CA10: variants seen among roughly 807,000 people sequenced by gnomAD.
CA10 encodes carbonic anhydrase 10 (inactive).
In CA10, 14 loss-of-function variants were observed where a neutral mutation model predicts 44.2. The observed-to-expected ratio is 0.32, with a 90% CI of 0.21 to 0.50. The LOEUF (loss-of-function observed/expected upper bound fraction) is 0.50. Among genes scored for constraint, CA10 ranks in the 20% least tolerant of loss-of-function variants. CA10 has a pLI of 0.99. For synonymous variants in CA10, 159 were observed against 141.6 expected, an observed-to-expected ratio of 1.12 and a Z score of -0.87; for missense variants, 350 against 409.7, an observed-to-expected ratio of 0.85 and a Z score of 1.26.
rs1022530939 is a variant in CA10, at chr17:51,968,910, C to T, written c.137-37778G>A. ...AGGTGAACACAATCTCATTTTTAAC[C>T]GCATTAAATATTAGTTTTCTTTTGT... On this transcript the variant is annotated intron_variant, in intron 2 of 8. Coordinates refer to ENST00000451037, the MANE Select transcript of CA10 (RefSeq NM_020178.5). Among the ~76,000 whole-genome samples the T allele has an allele frequency of 7.9e-5, 12 of 151,886 alleles. No individual in the cohort carries two copies. The South Asian group carries it at 1.5e-3, about 18-fold the overall frequency.
At position 52,107,415 on chromosome 17, in the gene CA10, G is replaced by T. The variant is rs182675173; in HGVS notation, c.62-35022C>A. On this transcript the variant is annotated intron_variant, in intron 1 of 8. Coordinates refer to ENST00000451037, the MANE Select transcript of CA10 (RefSeq NM_020178.5). The stretch of plus-strand genomic sequence containing the variant: ...AATTCCTCTTAAAACCCCTTTAAAA[G>T]GTTATTTTTTCTTTTTTCCTATGAC... 2.5e-3 allele frequency among the ~76,000 whole-genome samples: 387 copies of T among 152,156 alleles called. 3 individuals are homozygous for T. Among genetic ancestry groups the T allele is most frequent in the African/African-American group, 8.9e-3 (371 of 41,516 alleles).
At chr17:51,675,721 A>AC (rs935361149) in intron 4 of CA10, among the ~76,000 whole-genome samples, 3 of 152,080 alleles carry the variant, frequency 2.0e-5, no homozygotes, top group African/African-American at 7.2e-5. Context: ...GTCTCAAAAA[A>AC]AAAAACAAAA....
intron 3 of CA10, among the ~76,000 whole-genome samples, chr17:51,752,084 A>T (rs1323387357): frequency 6.6e-6 from 1 of 151,536 alleles, no homozygotes; most frequent in East Asian, 1.9e-4. Flanking sequence ...GAGATGCAAC[A>T]CCCCCTTTTC....
chr17:51,782,722 C>T (rs1906111979), intron 3 of CA10, among the ~76,000 whole-genome samples: 1 of 152,180 alleles, frequency 6.6e-6, no homozygotes. Context: ...TGCCTGTCCT[C>T]CACTCTGGAA....
At chr17:51,992,805 A>G (rs1985089402) in intron 2 of CA10, among the ~76,000 whole-genome samples, 1 of 152,148 alleles carries the variant, frequency 6.6e-6, no homozygotes, top group African/African-American at 2.4e-5. Context: ...TGGATAGATG[A>G]GCACTCAGTC....
intron 1 of CA10, among the ~76,000 whole-genome samples, chr17:52,079,272 C>T (rs1210650567): frequency 6.6e-6 from 1 of 151,832 alleles, no homozygotes; most frequent in African/African-American, 2.4e-5. Context: ...GGCGACAGAG[C>T]GAAACTCCGT....
intron 2 of CA10, among the ~76,000 whole-genome samples, chr17:51,940,793 C>T (rs1460236672): frequency 6.6e-6 from 1 of 152,014 alleles, no homozygotes; most frequent in Admixed American, 6.6e-5. Flanking sequence ...CCTCCCTAAC[C>T]TGGTGCCCTG....
chr17:51,815,388 G>A (rs951307077), intron 3 of CA10, among the ~76,000 whole-genome samples: 1 of 152,168 alleles, frequency 6.6e-6, no homozygotes, highest in African/African-American at 2.4e-5. Context: ...TTGCCTGAGA[G>A]TCAGTGTTCA....
At chr17:51,687,940 C>T (rs117518042) in intron 4 of CA10, among the ~76,000 whole-genome samples, 320 of 152,288 alleles carry the variant, frequency 2.1e-3, no homozygotes, top group Non-Finnish European at 3.6e-3. Flanking sequence ...TCTCATGTTG[C>T]GTAGAGTTGA....
chr17:52,122,496 G>T (rs1323640610), intron 1 of CA10, among the ~76,000 whole-genome samples: 1 of 152,060 alleles, frequency 6.6e-6, no homozygotes, highest in African/African-American at 2.4e-5. Flanking sequence ...TACATATCTT[G>T]ATTTAGGAGT....
chr17:51,694,207 A>G (rs1048660327), intron 4 of CA10, among the ~76,000 whole-genome samples: 39 of 140,486 alleles, frequency 2.8e-4, no homozygotes, highest in African/African-American at 6.2e-4. Flanking sequence ...TCCGTCTCGG[A>G]AAAAAAAAAA....
chr17:51,635,596 CA>C (rs889927556), intron 7 of CA10, among the ~76,000 whole-genome samples: 2 of 152,104 alleles, frequency 1.3e-5, no homozygotes, highest in African/African-American at 4.8e-5. Context: ...GTCAGCAAAC[CA>C]CTAGAAGCTA....
intron 2 of CA10, among the ~76,000 whole-genome samples, chr17:51,974,124 G>A (rs1464836206): frequency 1.3e-5 from 2 of 152,058 alleles, no homozygotes; most frequent in Non-Finnish European, 2.9e-5. Flanking sequence ...GGTGGCTCAC[G>A]CCTGTAATCC....
intron 1 of CA10, among the ~76,000 whole-genome samples, chr17:52,089,254 C>T (rs1181232604): frequency 6.6e-6 from 1 of 152,106 alleles, no homozygotes; most frequent in African/African-American, 2.4e-5. Flanking sequence ...TGTACACTTA[C>T]TATGGTGTTC....
chr17:52,031,314 G>A (rs532421420), intron 2 of CA10, among the ~76,000 whole-genome samples: 6 of 151,850 alleles, frequency 4.0e-5, no homozygotes, highest in East Asian at 2.0e-4. Flanking sequence ...CATGCCTGGC[G>A]AATTTTTGTA....
intron 1 of CA10, among the ~76,000 whole-genome samples, chr17:52,100,304 A>G (rs1598214446): frequency 1.3e-5 from 2 of 152,324 alleles, no homozygotes; most frequent in South Asian, 2.1e-4. Context: ...CTTCATAGAA[A>G]CAGTACTGAA....
chr17:51,846,366 C>T (rs994230135), intron 3 of CA10, among the ~76,000 whole-genome samples: 2 of 152,226 alleles, frequency 1.3e-5, no homozygotes, highest in African/African-American at 4.8e-5. Context: ...AATAGACAAG[C>T]TCTGATGACT....
chr17:51,717,830 T>TAC (rs1916206488), intron 4 of CA10, among the ~76,000 whole-genome samples: 1 of 4,886 alleles, frequency 2.0e-4, no homozygotes, highest in Non-Finnish European at 4.1e-4. Flanking sequence ...TATGTGTGTG[T>TAC]ATATATATAT....
intron 1 of CA10, among the ~76,000 whole-genome samples, chr17:52,087,683 T>C (rs952011979): frequency 1.1e-4 from 16 of 152,232 alleles, no homozygotes; most frequent in Admixed American, 2.0e-4. Context: ...GTTGTAATTA[T>C]CTTATACAGA....
Sources: allele counts gnomAD v4.1 joint callset (sites outside exome capture counted in the v4.1 genomes callset), GRCh38; gene constraint gnomAD v4.1.1; transcripts MANE v1.5; gene names NCBI Gene and HGNC (gene_info 2026-07-23, HGNC 2026-07-21).